ARHGAP15: variants seen among roughly 807,000 people sequenced by gnomAD.
ARHGAP15 encodes the protein Rho GTPase activating protein 15.
ARHGAP15 carries 51 observed loss-of-function variants against 63.7 expected under a neutral mutation model. That is an observed-to-expected ratio of 0.80 (90% confidence interval 0.64 to 1.01). The LOEUF (loss-of-function observed/expected upper bound fraction) is 1.01. Among genes scored for constraint, ARHGAP15 ranks in the 50% least tolerant of loss-of-function variants. The pLI is 0.00. For missense variants in ARHGAP15, 560 were observed against 564.6 expected (o/e 0.99, Z 0.08); for synonymous variants, 191 against 193.8 (o/e 0.99, Z 0.12).
chr2:143,490,038 C>T (rs1268955346), intron 9 of ARHGAP15, among the ~76,000 whole-genome samples: 1 of 152,114 alleles, frequency 6.6e-6, no homozygotes, highest in East Asian at 1.9e-4. Flanking sequence ...CTCGCTCTGT[C>T]GCCCAGGCTG....
intron 12 of ARHGAP15, among the ~76,000 whole-genome samples, chr2:143,639,933 T>C (rs1176628084): frequency 6.6e-6 from 1 of 152,150 alleles, no homozygotes; most frequent in Non-Finnish European, 1.5e-5. Flanking sequence ...CAGATCTTAA[T>C]AGTATTGTAA....
chr2:143,130,630 G>A (rs1354345560), intron 1 of ARHGAP15, among the ~76,000 whole-genome samples: 1 of 152,102 alleles, frequency 6.6e-6, no homozygotes, highest in African/African-American at 2.4e-5. Flanking sequence ...ATTAGGCATA[G>A]TAGTACACTC....
At chr2:143,433,664 C>A (rs1318564217) in intron 6 of ARHGAP15, among the ~76,000 whole-genome samples, 1 of 152,092 alleles carries the variant, frequency 6.6e-6, no homozygotes, top group Non-Finnish European at 1.5e-5. Context: ...AGACTGCAAG[C>A]TGAACTATGT....
Position 143,660,210 on chromosome 2 carries a change from T to C in ARHGAP15, c.1138+35943T>C, listed in dbSNP as rs7567126. On this transcript the variant is annotated intron_variant, in intron 12 of 13. Coordinates refer to ENST00000295095, the MANE Select transcript of ARHGAP15 (RefSeq NM_018460.4). ...CTTAAAGTGTACCAATTTGATCTGTTTTTTTTAAATTGTATCAATACATTC... is the reference window on the plus strand; with the variant it reads ...CTTAAAGTGTACCAATTTGATCTGTCTTTTTTAAATTGTATCAATACATTC... Among the ~76,000 whole-genome samples, 264 of 152,336 alleles carry C rather than the reference T, an allele frequency of 1.7e-3. 1 individual carries two copies. The highest frequency in any genetic ancestry group is 6.0e-3 in the African/African-American group (250 of 41,572).
At chr2:143,670,553 G>A (rs1479777196) in intron 12 of ARHGAP15, among the ~76,000 whole-genome samples, 4 of 152,140 alleles carry the variant, frequency 2.6e-5, no homozygotes, top group African/African-American at 7.2e-5. Context: ...TAAGGGACCC[G>A]ATAGGTCACT....
At chr2:143,330,783 T>C (rs1253791183) in intron 6 of ARHGAP15, among the ~76,000 whole-genome samples, 1 of 152,222 alleles carries the variant, frequency 6.6e-6, no homozygotes, top group Non-Finnish European at 1.5e-5. Flanking sequence ...TAAAGTAATA[T>C]GTTTGGTAAC....
At chr2:143,310,667 AG>A (rs760239982) in intron 6 of ARHGAP15, among the ~76,000 whole-genome samples, 7 of 152,034 alleles carry the variant, frequency 4.6e-5, no homozygotes, top group African/African-American at 1.4e-4. Flanking sequence ...TTATATAAAA[AG>A]TGTAGCTGCC....
chr2:143,339,792 T>C (rs879261145), intron 6 of ARHGAP15, among the ~76,000 whole-genome samples: 7 of 152,220 alleles, frequency 4.6e-5, no homozygotes, highest in Non-Finnish European at 1.0e-4. Context: ...CACACTATAC[T>C]TTAAAATGTA....
At chr2:143,487,632 G>T in intron 9 of ARHGAP15, 137 bp downstream of exon 9, 1 of 1,024,314 alleles carries the variant, frequency 9.8e-7, no homozygotes. Flanking sequence ...CTCTGTAACA[G>T]AGAAAAGAAA....
intron 6 of ARHGAP15, among the ~76,000 whole-genome samples, chr2:143,261,378 G>C (rs904442235): frequency 7.9e-6 from 1 of 125,804 alleles, no homozygotes; most frequent in African/African-American, 3.0e-5. Flanking sequence ...CTGTCACCCA[G>C]GCTTGAGTGG....
chr2:143,670,172 A>G (rs911752504), intron 12 of ARHGAP15, among the ~76,000 whole-genome samples: 1 of 152,084 alleles, frequency 6.6e-6, no homozygotes, highest in African/African-American at 2.4e-5. Context: ...GCTTCTCAAC[A>G]TCCTCTGAGC....
chr2:143,700,653 A>C (rs377203637), intron 12 of ARHGAP15, among the ~76,000 whole-genome samples: 5 of 152,146 alleles, frequency 3.3e-5, no homozygotes, highest in African/African-American at 9.6e-5. Flanking sequence ...ACTGTACAGA[A>C]TGTATCCACC....
At chr2:143,314,943 A>G (rs914612916) in intron 6 of ARHGAP15, among the ~76,000 whole-genome samples, 1 of 152,234 alleles carries the variant, frequency 6.6e-6, no homozygotes, top group African/African-American at 2.4e-5. Context: ...AAATATACTC[A>G]TTATATATAA....
At chr2:143,760,020 T>C (rs1317722517) in intron 13 of ARHGAP15, among the ~76,000 whole-genome samples, 2 of 152,172 alleles carry the variant, frequency 1.3e-5, no homozygotes, top group Admixed American at 6.5e-5. Flanking sequence ...TATTGCTTAG[T>C]GTATGGTTTG....
rs530410019 is a variant in ARHGAP15, at chr2:143,522,659, A to G, written c.925+3295A>G. On this transcript the variant is annotated intron_variant, in intron 10 of 13. Transcript: ENST00000295095. ...AAGAAGAAGAATTGTCTTGGGCTACACATAGCGTTACATACACTAACGCTA... is the reference window on the plus strand; with the variant it reads ...AAGAAGAAGAATTGTCTTGGGCTACGCATAGCGTTACATACACTAACGCTA... Among the ~76,000 whole-genome samples, 8 of 152,252 alleles carry G rather than the reference A, an allele frequency of 5.3e-5. No individual in the cohort carries two copies. The South Asian group carries it at 1.7e-3, about 32-fold the overall frequency.
intron 8 of ARHGAP15, among the ~76,000 whole-genome samples, chr2:143,480,262 T>C (rs1692016478): frequency 6.6e-6 from 1 of 152,230 alleles, no homozygotes; most frequent in Non-Finnish European, 1.5e-5. Flanking sequence ...GAAATTTTCC[T>C]ATGGCTGAAT....
At chr2:143,703,701 T>C in intron 13 of ARHGAP15, 177 bp downstream of exon 13, 1 of 505,624 alleles carries the variant, frequency 2.0e-6, no homozygotes, top group Non-Finnish European at 3.4e-6. Context: ...GGAAGGACAA[T>C]CTACAAAAGG....
At chr2:143,359,233 T>C (rs535872376) in intron 6 of ARHGAP15, among the ~76,000 whole-genome samples, 1 of 152,290 alleles carries the variant, frequency 6.6e-6, no homozygotes, top group South Asian at 2.1e-4. Context: ...CAAATGATTC[T>C]TAGGCATACT....
chr2:143,746,143 C>T (rs1267828550), intron 13 of ARHGAP15, among the ~76,000 whole-genome samples: 2 of 152,118 alleles, frequency 1.3e-5, no homozygotes, highest in African/African-American at 4.8e-5. Flanking sequence ...GTAGAAATTA[C>T]CCGTAAGAAA....
Sources: allele counts gnomAD v4.1 joint callset (sites outside exome capture counted in the v4.1 genomes callset), GRCh38; gene constraint gnomAD v4.1.1; transcripts MANE v1.5; gene names NCBI Gene and HGNC (gene_info 2026-07-23, HGNC 2026-07-21).